Variants in SPATS2 observed in about 807,000 individuals in gnomAD.
SPATS2 encodes spermatogenesis-associated serine-rich protein 2.
Under a neutral mutation model 63.7 loss-of-function variants are expected in SPATS2, and 38 were observed. The ratio of observed to expected loss-of-function variants is 0.60; its 90% CI spans 0.46 to 0.78. SPATS2 has a LOEUF of 0.78. Among genes scored for constraint, SPATS2 ranks in the 30% least tolerant of loss-of-function variants. The pLI, the probability that SPATS2 is intolerant of heterozygous loss-of-function variation, is 0.00. For missense variants in SPATS2, 588 were observed against 666.2 expected (o/e 0.88, Z 1.29); for synonymous variants, 207 against 232.9 (o/e 0.89, Z 1.01).
At chr12:49,511,522 T>G (rs988722366) in intron 9 of SPATS2, among the ~76,000 whole-genome samples, 1 of 152,102 alleles carries the variant, frequency 6.6e-6, no homozygotes, top group African/African-American at 2.4e-5. Context: ...AAGAAAGCCT[T>G]GAGAGAAGCT....
rs1565760879 is a variant in SPATS2 at position 49,516,185 on chromosome 12, ATATATATATAT to A, written c.898+1573_898+1583del. Among the ~76,000 whole-genome samples, 8 of 101,580 alleles carry A rather than the reference ATATATATATAT, an allele frequency of 7.9e-5. 1 individual carries two copies. Among genetic ancestry groups the A allele is most frequent in the African/African-American group, 2.7e-4 (8 of 29,422 alleles). The allele number at this position is 101,580 out of a possible 152,430, so 66.6% of individuals were successfully genotyped here. Reference sequence around the variant, plus strand: ...AAAAAAAATATATATATATATATATATATATATATATATATATATATATAAATCAGGCATGG... The same window carrying A: ...AAAAAAAATATATATATATATATATAATATATATATATAAATCAGGCATGG... On this transcript the variant is annotated intron_variant, in intron 10 of 13. Transcript: ENST00000552918.
chr12:49,390,244 A>G (rs1346969398), intron 2 of SPATS2: 30 of 832,616 alleles, frequency 3.6e-5, no homozygotes, highest in Non-Finnish European at 3.0e-5. Flanking sequence ...AGAAAATTCA[A>G]TCCATTATTT....
At chr12:49,384,449 C>T (rs541433959) in intron 2 of SPATS2, among the ~76,000 whole-genome samples, 96 of 152,302 alleles carry the variant, frequency 6.3e-4, no homozygotes, top group African/African-American at 2.2e-3. Flanking sequence ...ACTGTTCTTA[C>T]CCCACAGACT....
intron 2 of SPATS2, among the ~76,000 whole-genome samples, chr12:49,378,059 A>G (rs1394790475): frequency 1.3e-4 from 19 of 151,890 alleles, no homozygotes; most frequent in Non-Finnish European, 2.2e-4. Context: ...TGCCACCTCC[A>G]GCTCCAGGGT....
chr12:49,489,472 C>T lies in SPATS2; in HGVS notation c.113C>T (p.Ala38Val), dbSNP rs201986115. 2.5e-5 allele frequency: 40 copies of T among 1,612,508 alleles called. No individual in the cohort carries two copies. Among genetic ancestry groups the T allele is most frequent in the Admixed American group, 1.3e-4 (8 of 59,882 alleles). The stretch of plus-strand genomic sequence containing the variant: ...CCCTGTCATCTTTTCCAGATAAATG[C>T]GGTACGTGCAATAGTTCCTAATAAG... ...AFENMKEKINAVRAIVPNKSN... is the reference protein window; with the variant it reads ...AFENMKEKINVVRAIVPNKSN... Residue 38 changes from alanine (A) to valine (V), a missense_variant, in exon 5 of 14, where the codon GCG becomes GTG. Transcript: ENST00000552918.
At chr12:49,416,518 C>T (rs1944892053) in intron 2 of SPATS2, among the ~76,000 whole-genome samples, 1 of 151,558 alleles carries the variant, frequency 6.6e-6, no homozygotes, top group Non-Finnish European at 1.5e-5. Context: ...GATGGAGTCT[C>T]GTTCAGTCGC....
intron 2 of SPATS2, among the ~76,000 whole-genome samples, chr12:49,416,966 A>G (rs1435382302): frequency 6.6e-6 from 1 of 152,218 alleles, no homozygotes; most frequent in Non-Finnish European, 1.5e-5. Flanking sequence ...GAAGCTAGAC[A>G]ACGTGTCAGG....
At chr12:49,372,108 C>T (rs753884217) in intron 2 of SPATS2, among the ~76,000 whole-genome samples, 8 of 151,854 alleles carry the variant, frequency 5.3e-5, no homozygotes, top group Non-Finnish European at 7.4e-5. Context: ...TGCAGTGGCA[C>T]GATCTCAGTT....
At chr12:49,488,907 G>A (rs893033829) in intron 4 of SPATS2, among the ~76,000 whole-genome samples, 1 of 152,120 alleles carries the variant, frequency 6.6e-6, no homozygotes, top group African/African-American at 2.4e-5. Context: ...GACTTATTAG[G>A]TGTTCATGGG....
At chr12:49,496,717 T>G in intron 7 of SPATS2, 116 bp from the exon 8 acceptor site, 1 of 997,902 alleles carries the variant, frequency 1.0e-6, no homozygotes, top group Non-Finnish European at 1.5e-6. Flanking sequence ...TTGTTTACAG[T>G]CTTTTAAGAG....
intron 10 of SPATS2, among the ~76,000 whole-genome samples, chr12:49,518,447 G>A (rs934237278): frequency 6.0e-4 from 92 of 152,224 alleles, no homozygotes; most frequent in African/African-American, 2.2e-3. Context: ...TAGGGAACTC[G>A]GTAAATAATT....
intron 3 of SPATS2, among the ~76,000 whole-genome samples, chr12:49,472,321 C>T (rs1000380506): frequency 6.6e-6 from 1 of 151,718 alleles, no homozygotes; most frequent in Admixed American, 6.6e-5. Flanking sequence ...CTTTCTCCCA[C>T]TATCTTAAGG....
chr12:49,465,009 C>T (rs1945887614), intron 3 of SPATS2, among the ~76,000 whole-genome samples: 1 of 152,174 alleles, frequency 6.6e-6, no homozygotes, highest in South Asian at 2.1e-4. Context: ...CTTCTTTTCA[C>T]TTAGTGTAAT....
At chr12:49,516,166 A>AATATATATAT (rs869230532) in intron 10 of SPATS2, among the ~76,000 whole-genome samples, 1 of 30,826 alleles carries the variant, frequency 3.2e-5, no homozygotes, top group African/African-American at 2.2e-4. Flanking sequence ...AAAAAAAAAA[A>AATATATATAT]ATATATATAT....
intron 2 of SPATS2, among the ~76,000 whole-genome samples, chr12:49,386,260 G>T (rs1003747814): frequency 1.2e-4 from 18 of 152,208 alleles, no homozygotes; most frequent in African/African-American, 4.3e-4. Flanking sequence ...CGCCTCCTTG[G>T]TTCAAGCCGT....
intron 2 of SPATS2, among the ~76,000 whole-genome samples, chr12:49,380,167 CTT>C (rs1307437668): frequency 1.2e-4 from 17 of 136,474 alleles, no homozygotes; most frequent in East Asian, 8.4e-4. Flanking sequence ...TCCTCTCTCT[CTT>C]TTTTTTTTTT....
intron 2 of SPATS2, among the ~76,000 whole-genome samples, chr12:49,394,495 A>G (rs557806200): frequency 1.3e-5 from 2 of 152,280 alleles, no homozygotes; most frequent in African/African-American, 2.4e-5. Flanking sequence ...AGATAGATAT[A>G]TAACTCCTTT....
intron 3 of SPATS2, among the ~76,000 whole-genome samples, chr12:49,479,925 A>T (rs138896381): frequency 1.3e-5 from 2 of 152,190 alleles, no homozygotes; most frequent in Non-Finnish European, 2.9e-5. Context: ...TTGATTCTAC[A>T]GTAGGATTTA....
intron 2 of SPATS2, among the ~76,000 whole-genome samples, chr12:49,434,961 A>T (rs891872341): frequency 6.6e-6 from 1 of 151,568 alleles, no homozygotes; most frequent in African/African-American, 2.4e-5. Context: ...ATGGTATTTA[A>T]TTAATATAAT....
Sources: gnomAD v4.1 joint callset for allele counts (sites outside exome capture counted in the v4.1 genomes callset) on GRCh38, gnomAD v4.1.1 for gene constraint, MANE v1.5 for transcripts, NCBI Gene and HGNC (gene_info 2026-07-23, HGNC 2026-07-21) for gene names.